The following LINGO2 variants were observed in gnomAD, a reference collection of about 807,000 sequenced individuals.
The protein encoded by LINGO2 is leucine-rich repeat and immunoglobulin-like domain-containing nogo receptor-interacting protein 2.
LINGO2 carries 14 observed loss-of-function variants against 30.6 expected under a neutral mutation model. The observed-to-expected ratio is 0.46, with a 90% CI of 0.30 to 0.72. The LOEUF (loss-of-function observed/expected upper bound fraction) is 0.72, where lower values mean the gene tolerates loss of function less well. Among genes scored for constraint, LINGO2 ranks in the 30% least tolerant of loss-of-function variants. The pLI, the probability that LINGO2 is intolerant of heterozygous loss-of-function variation, is 0.07. For synonymous variants in LINGO2, 317 were observed against 288.5 expected, an observed-to-expected ratio of 1.10 and a Z score of -1.00; for missense variants, 729 against 751.7, an observed-to-expected ratio of 0.97 and a Z score of 0.35.
chr9:28,463,921 G>A (rs1243700733), intron 2 of LINGO2, among the ~76,000 whole-genome samples: 1 of 152,092 alleles, frequency 6.6e-6, no homozygotes, highest in Non-Finnish European at 1.5e-5. Context: ...TTTATTTAAA[G>A]TTAGAGGAAA....
At chr9:28,969,804 T>G in the LINGO2 span, among the ~76,000 whole-genome samples, 1 of 152,134 alleles carries the variant, frequency 6.6e-6, no homozygotes, top group Non-Finnish European at 1.5e-5. Flanking sequence ...AAGAGTGGAG[T>G]TACCATTAAA....
At chr9:28,373,385 C>A (rs996345086) in intron 2 of LINGO2, among the ~76,000 whole-genome samples, 1 of 152,118 alleles carries the variant, frequency 6.6e-6, no homozygotes, top group African/African-American at 2.4e-5. Context: ...CCCTTATGGA[C>A]CAAGTGATTA....
At chr9:28,407,276 T>G (rs1822553077) in intron 2 of LINGO2, among the ~76,000 whole-genome samples, 1 of 145,558 alleles carries the variant, frequency 6.9e-6, no homozygotes, top group African/African-American at 2.5e-5. Flanking sequence ...AAAAAAAAGA[T>G]AGAAAAATAT....
chr9:28,187,054 C>T lies in LINGO2; in HGVS notation c.-87+108154G>A, dbSNP rs550769706. ...GAAGGAAATCGATGGTAGACACAGGCAGACCAGTTAGGAGACTATAGCAGT... is the reference window on the plus strand; with the variant it reads ...GAAGGAAATCGATGGTAGACACAGGTAGACCAGTTAGGAGACTATAGCAGT... On this transcript the variant is annotated intron_variant, in intron 4 of 5. Transcript: ENST00000379992. 7.2e-5 allele frequency among the ~76,000 whole-genome samples: 11 copies of T among 152,218 alleles called. No individual in the cohort carries two copies. The South Asian group carries it at 2.1e-3, about 29-fold the overall frequency.
chr9:28,399,045 G>C (rs1766769147), intron 2 of LINGO2, among the ~76,000 whole-genome samples: 2 of 152,182 alleles, frequency 1.3e-5, no homozygotes, highest in African/African-American at 4.8e-5. Flanking sequence ...GCTTTGGGGA[G>C]TTTGGCAGCA....
intron 1 of LINGO2, among the ~76,000 whole-genome samples, chr9:28,520,924 C>G (rs1458154494): frequency 6.6e-6 from 1 of 152,062 alleles, no homozygotes; most frequent in African/African-American, 2.4e-5. Context: ...CACAATAGTA[C>G]CTGCATCACT....
chr9:28,666,052 C>T (rs1159988541), intron 1 of LINGO2, among the ~76,000 whole-genome samples: 3 of 151,848 alleles, frequency 2.0e-5, no homozygotes, highest in Non-Finnish European at 4.4e-5. Flanking sequence ...CCACGACACC[C>T]GGCTAATTTT....
chr9:29,101,607 T>TATCCAC, the LINGO2 span, among the ~76,000 whole-genome samples: 1 of 152,140 alleles, frequency 6.6e-6, no homozygotes, highest in African/African-American at 2.4e-5. Flanking sequence ...CTATTCTCTA[T>TATCCAC]ATCCACGAGT....
At chr9:28,987,507 T>C in the LINGO2 span, among the ~76,000 whole-genome samples, 2 of 150,916 alleles carry the variant, frequency 1.3e-5, no homozygotes, top group Non-Finnish European at 2.9e-5. Flanking sequence ...TTTATTGACC[T>C]TTTGTATTAT....
intron 1 of LINGO2, among the ~76,000 whole-genome samples, chr9:28,616,152 C>T (rs895970959): frequency 6.6e-6 from 1 of 152,044 alleles, no homozygotes; most frequent in Admixed American, 6.6e-5. Flanking sequence ...CAGGTATATG[C>T]TATACCGTAA....
chr9:28,748,549 C>T, the LINGO2 span, among the ~76,000 whole-genome samples: 1 of 151,962 alleles, frequency 6.6e-6, no homozygotes, highest in Non-Finnish European at 1.5e-5. Context: ...AAACATCTTC[C>T]ATTAGTTCAC....
chr9:28,417,137 AAAAGAAGT>A (rs1296020023), intron 2 of LINGO2, among the ~76,000 whole-genome samples: 2 of 152,184 alleles, frequency 1.3e-5, no homozygotes, highest in African/African-American at 4.8e-5. Context: ...TGGAATTTAT[AAAAGAAGT>A]CACTGGGGAA....
the LINGO2 span, among the ~76,000 whole-genome samples, chr9:28,844,096 T>G: frequency 0.019 from 2,846 of 151,978 alleles, 43 homozygotes; most frequent in Middle Eastern, 0.044. Context: ...GCACAGTGGC[T>G]CATGACCGTA....
chr9:28,595,602 T>A (rs1825136650), intron 1 of LINGO2, among the ~76,000 whole-genome samples: 1 of 152,120 alleles, frequency 6.6e-6, no homozygotes, highest in Non-Finnish European at 1.5e-5. Flanking sequence ...GTACAAAAAT[T>A]ACTTGTGGTT....
At chr9:28,320,994 G>A (rs893426288) in intron 3 of LINGO2, among the ~76,000 whole-genome samples, 1 of 152,050 alleles carries the variant, frequency 6.6e-6, no homozygotes, top group African/African-American at 2.4e-5. Flanking sequence ...CCAATCCATG[G>A]CATAAAATGA....
the LINGO2 span, among the ~76,000 whole-genome samples, chr9:28,685,977 ATGTGTG>A: frequency 6.2e-5 from 9 of 145,682 alleles, no homozygotes; most frequent in East Asian, 4.1e-4. Context: ...AACATATATG[ATGTGTG>A]TGTGTGTGTG....
chr9:28,797,359 TAGAGAGAGAGAG>T, the LINGO2 span, among the ~76,000 whole-genome samples: 2 of 34,208 alleles, frequency 5.8e-5, no homozygotes, highest in African/African-American at 9.6e-5. Flanking sequence ...TATATATATA[TAGAGAGAGAGAG>T]AGAGAGAGAG....
the LINGO2 span, among the ~76,000 whole-genome samples, chr9:28,951,446 T>C: frequency 6.6e-6 from 1 of 152,258 alleles, no homozygotes; most frequent in East Asian, 1.9e-4. Flanking sequence ...TCCTGTTCTC[T>C]TGCTGTCAGC....
At chr9:28,273,606 A>G (rs1335642495) in intron 4 of LINGO2, among the ~76,000 whole-genome samples, 2 of 152,178 alleles carry the variant, frequency 1.3e-5, no homozygotes, top group East Asian at 3.9e-4. Flanking sequence ...TCTGCCATGC[A>G]ACTTTTATCC....
Sources: gnomAD v4.1 joint callset for allele counts (sites outside exome capture counted in the v4.1 genomes callset) on GRCh38, gnomAD v4.1.1 for gene constraint, MANE v1.5 for transcripts, NCBI Gene and HGNC (gene_info 2026-07-23, HGNC 2026-07-21) for gene names.